GAS2: variants seen among roughly 807,000 people sequenced by gnomAD.
GAS2 encodes growth arrest specific 2.
A neutral mutation model predicts 37.5 loss-of-function variants in GAS2; 20 were observed. That is an observed-to-expected ratio of 0.53 (90% CI 0.37 to 0.77). GAS2 has a LOEUF of 0.77. Among genes scored for constraint, GAS2 ranks in the 30% least tolerant of loss-of-function variants. The probability of loss-of-function intolerance (pLI) is 0.00; values close to 1 mark genes in which losing one functional copy is unlikely to be tolerated. For missense variants in GAS2, 336 were observed against 373.4 expected (o/e 0.90, Z 0.82); for synonymous variants, 144 against 132.2 (o/e 1.09, Z -0.61).
chr11:22,734,147 T>C (rs1228629662), intron 4 of GAS2, among the ~76,000 whole-genome samples: 4 of 151,758 alleles, frequency 2.6e-5, no homozygotes, highest in African/African-American at 4.8e-5. Context: ...TCTTCTAAAA[T>C]AGACAATACA....
intron 3 of GAS2, among the ~76,000 whole-genome samples, chr11:22,717,608 A>G (rs1851744642): frequency 6.6e-6 from 1 of 152,174 alleles, no homozygotes; most frequent in South Asian, 2.1e-4. Flanking sequence ...CAAATGCAAC[A>G]AAACAAAGAT....
intron 4 of GAS2, among the ~76,000 whole-genome samples, chr11:22,736,262 GCC>G (rs1852750524): frequency 3.3e-5 from 5 of 151,862 alleles, no homozygotes; most frequent in Non-Finnish European, 7.4e-5. Context: ...TTCATTTTAA[GCC>G]CTTTTAATTA....
chr11:22,677,805 C>G (rs2133902833), intron 2 of GAS2, among the ~76,000 whole-genome samples: 1 of 152,260 alleles, frequency 6.6e-6, no homozygotes, highest in Non-Finnish European at 1.5e-5. Flanking sequence ...TTTCTGGGCT[C>G]AGTGTCCTCA....
At chr11:22,655,343 A>G (rs770565585) in intron 1 of GAS2, among the ~76,000 whole-genome samples, 1 of 152,134 alleles carries the variant, frequency 6.6e-6, no homozygotes, top group Non-Finnish European at 1.5e-5. Context: ...TCCTTCGCCA[A>G]TAGAAAATTC....
chr11:22,781,491 A>G (rs1368952074), intron 7 of GAS2, among the ~76,000 whole-genome samples: 2 of 152,186 alleles, frequency 1.3e-5, no homozygotes, highest in African/African-American at 2.4e-5. Context: ...AGCACCATCT[A>G]TCATTTCTCT....
intron 1 of GAS2, among the ~76,000 whole-genome samples, chr11:22,637,079 A>C (rs1443194372): frequency 7.6e-6 from 1 of 131,478 alleles, no homozygotes; most frequent in East Asian, 2.5e-4. Flanking sequence ...ATATTATATT[A>C]ATATAATAAG....
At chr11:22,798,384 G>A (rs916127453) in intron 7 of GAS2, among the ~76,000 whole-genome samples, 10 of 151,898 alleles carry the variant, frequency 6.6e-5, no homozygotes, top group Admixed American at 2.0e-4. Context: ...TCATTATTTT[G>A]CAGATGAGAA....
intron 7 of GAS2, among the ~76,000 whole-genome samples, chr11:22,800,360 A>G (rs941805874): frequency 6.6e-6 from 1 of 152,000 alleles, no homozygotes; most frequent in African/African-American, 2.4e-5. Context: ...CCACATTGCC[A>G]ATTTACTGTA....
At chr11:22,802,464 A>AG (rs1856708972) in intron 7 of GAS2, among the ~76,000 whole-genome samples, 2 of 151,982 alleles carry the variant, frequency 1.3e-5, no homozygotes, top group East Asian at 3.9e-4. Context: ...TTAAAAAAAA[A>AG]AAAAACCCAA....
At chr11:22,682,779 G>C (rs559707033) in intron 2 of GAS2, among the ~76,000 whole-genome samples, 3 of 149,696 alleles carry the variant, frequency 2.0e-5, no homozygotes, top group African/African-American at 7.4e-5. Context: ...TTGGGAGGCA[G>C]AGGTTGCAGT....
At chr11:22,655,224 C>G (rs922232959) in intron 1 of GAS2, among the ~76,000 whole-genome samples, 3 of 152,126 alleles carry the variant, frequency 2.0e-5, no homozygotes, top group Non-Finnish European at 2.9e-5. Flanking sequence ...ACGCTGATTC[C>G]CAGAGGCATA....
chr11:22,790,699 G>A (rs2134570178), intron 7 of GAS2, among the ~76,000 whole-genome samples: 2 of 150,992 alleles, frequency 1.3e-5, no homozygotes, highest in Middle Eastern at 3.4e-3. Flanking sequence ...CTGCCCTCAA[G>A]TGATCCGCCC....
upstream of GAS2, among the ~76,000 whole-genome samples, chr11:22,662,287 A>C (rs780119746): frequency 1.3e-5 from 2 of 152,252 alleles, no homozygotes; most frequent in Non-Finnish European, 2.9e-5. Context: ...TACCAGATGA[A>C]ATGCTGCTAG....
At chr11:22,703,450 T>G (rs1850946624) in intron 3 of GAS2, among the ~76,000 whole-genome samples, 1 of 152,176 alleles carries the variant, frequency 6.6e-6, no homozygotes, top group Non-Finnish European at 1.5e-5. Context: ...CTAAATGTGT[T>G]GGAGAAACTC....
chr11:22,728,913 T>C (rs1852343073), intron 4 of GAS2, among the ~76,000 whole-genome samples: 2 of 151,516 alleles, frequency 1.3e-5, no homozygotes, highest in Middle Eastern at 3.4e-3. Flanking sequence ...AGGAAGAGAT[T>C]GAGCCGCTGC....
At position 22,744,608 on chromosome 11, in the gene GAS2, T is replaced by TA. The variant is rs202147050; in HGVS notation, c.474-4504dup. Among the ~76,000 whole-genome samples the TA allele has an allele frequency of 4.7e-3, 719 of 151,690 alleles. 9 individuals are homozygous for TA. The highest frequency in any genetic ancestry group is 0.016 in the African/African-American group (642 of 41,350). ...GATAAAATGCAACATCCCTTCATGATAAAAAAAACCCTCAACTAACTAGAC... is the reference window on the plus strand; with the variant it reads ...GATAAAATGCAACATCCCTTCATGATAAAAAAAAACCCTCAACTAACTAGAC... On this transcript the variant is annotated intron_variant, in intron 5 of 7. Transcript: ENST00000454584.
chr11:22,801,086 G>A (rs1856641569), intron 7 of GAS2, among the ~76,000 whole-genome samples: 1 of 151,956 alleles, frequency 6.6e-6, no homozygotes, highest in Admixed American at 6.6e-5. Flanking sequence ...AAACACAAAT[G>A]TTCCCAAGAA....
chr11:22,770,121 G>T (rs1447097502), intron 7 of GAS2, among the ~76,000 whole-genome samples: 1 of 152,102 alleles, frequency 6.6e-6, no homozygotes, highest in African/African-American at 2.4e-5. Flanking sequence ...CAAGGGCAGG[G>T]GAACAACACA....
intron 7 of GAS2, among the ~76,000 whole-genome samples, chr11:22,785,639 T>C (rs901453919): frequency 1.3e-5 from 2 of 152,182 alleles, no homozygotes; most frequent in Admixed American, 1.3e-4. Context: ...TTGCTAAGCA[T>C]GTTTCTACCT....
Sources: gnomAD v4.1 joint callset for allele counts (sites outside exome capture counted in the v4.1 genomes callset) on GRCh38, gnomAD v4.1.1 for gene constraint, MANE v1.5 for transcripts, NCBI Gene and HGNC (gene_info 2026-07-23, HGNC 2026-07-21) for gene names.